Variants in CCDC18 observed in about 807,000 individuals in gnomAD.
CCDC18 encodes the protein coiled-coil domain-containing protein 18.
CCDC18 carries 157 observed loss-of-function variants against 196.0 expected under a neutral mutation model. The observed-to-expected ratio is 0.80, with a 90% CI of 0.70 to 0.91. The LOEUF (loss-of-function observed/expected upper bound fraction) is 0.91. Ranked by LOEUF, CCDC18 falls within the 40% of genes least tolerant of loss-of-function variation. The probability of loss-of-function intolerance (pLI) is 0.00; values close to 1 mark genes in which losing one functional copy is unlikely to be tolerated. For synonymous variants in CCDC18, 482 were observed against 529.2 expected, an observed-to-expected ratio of 0.91 and a Z score of 1.22; for missense variants, 1,465 against 1,611.6, an observed-to-expected ratio of 0.91 and a Z score of 1.56.
At chr1:93,264,439 A>G (rs1664223632) in intron 26 of CCDC18, among the ~76,000 whole-genome samples, 1 of 152,190 alleles carries the variant, frequency 6.6e-6, no homozygotes. Context: ...AAATGTCTTT[A>G]TAGTTTATTT....
At chr1:93,190,703 G>T in intron 4 of CCDC18, 11 of 349,562 alleles carry the variant, frequency 3.1e-5, no homozygotes, top group East Asian at 1.7e-4. Context: ...ATAAACTCAA[G>T]ATTTTATTGT....
At chr1:93,249,974 A>G (rs1245854987) in intron 23 of CCDC18, among the ~76,000 whole-genome samples, 1 of 151,294 alleles carries the variant, frequency 6.6e-6, no homozygotes, top group Non-Finnish European at 1.5e-5. Flanking sequence ...TTCTTCACTC[A>G]CCCTTTGTTC....
chr1:93,253,198 G>A (rs1223947443), intron 23 of CCDC18, among the ~76,000 whole-genome samples: 1 of 152,232 alleles, frequency 6.6e-6, no homozygotes, highest in Non-Finnish European at 1.5e-5. Flanking sequence ...AGTGTGAGGA[G>A]CTAGAGTTGA....
intron 13 of CCDC18, 79 bp downstream of exon 13, chr1:93,216,825 C>A: frequency 1.2e-5 from 8 of 644,094 alleles, no homozygotes; most frequent in East Asian, 3.1e-5. Flanking sequence ...GTTTTAGCAT[C>A]ATTATTATAA....
chr1:93,270,251 C>A (rs760225495), intron 27 of CCDC18, 96 bp from the exon 28 acceptor site: 45 of 715,678 alleles, frequency 6.3e-5, no homozygotes, highest in Non-Finnish European at 9.7e-5. Flanking sequence ...TATAGTGGGA[C>A]AAAGGTTGAC....
At chr1:93,212,527 G>C (rs1246996530) in intron 11 of CCDC18, among the ~76,000 whole-genome samples, 5 of 151,862 alleles carry the variant, frequency 3.3e-5, no homozygotes, top group African/African-American at 1.2e-4. Flanking sequence ...AGTATGTGTT[G>C]TTCCCCTCTA....
Position 93,260,195 on chromosome 1 carries a change from C to T in CCDC18, c.3684+1310C>T, listed in dbSNP as rs1257129516. 3.3e-5 allele frequency among the ~76,000 whole-genome samples: 5 copies of T among 152,244 alleles called. No homozygotes were observed. In the South Asian group the frequency reaches 8.3e-4, roughly 25 times the overall value. On this transcript the variant is annotated intron_variant, in intron 26 of 28. Transcript: ENST00000690025. Reference sequence around the variant, plus strand: ...GGTCAGGAGTTCGAGACCAGCCTGACCAACATGGCAAAACCCCGTCTCTAC... The same window carrying T: ...GGTCAGGAGTTCGAGACCAGCCTGATCAACATGGCAAAACCCCGTCTCTAC...
intron 4 of CCDC18, among the ~76,000 whole-genome samples, chr1:93,188,399 C>T (rs1405063444): frequency 6.6e-6 from 1 of 152,182 alleles, no homozygotes; most frequent in East Asian, 1.9e-4. Flanking sequence ...GTTGGAGCTA[C>T]TGTTTCCTGA....
At chr1:93,216,935 C>CTTTTTTTT (rs397980840) in intron 13 of CCDC18, among the ~76,000 whole-genome samples, 189 bp downstream of exon 13, 2 of 132,770 alleles carry the variant, frequency 1.5e-5, no homozygotes, top group African/African-American at 2.9e-5. Flanking sequence ...CAAGTTTTCT[C>CTTTTTTTT]TTTTTTTTTT....
At chr1:93,246,694 C>A in intron 22 of CCDC18, 144 bp from the exon 23 acceptor site, 1 of 488,510 alleles carries the variant, frequency 2.0e-6, no homozygotes, top group Non-Finnish European at 3.7e-6. Context: ...TGAGTTTATA[C>A]TAAAGCAAAG....
Position 93,214,787 on chromosome 1 carries a change from T to C in CCDC18, c.1540T>C (p.Tyr514His), listed in dbSNP as rs1656219585. ...AAATCAACATACTATGAACAAGCAA[T>C]ATGAAAAAGAGAGGCAAAGACTTGT... The part of the protein sequence containing the change: ...DQNQHTMNKQ[Y>H]EKERQRLVTG... The change falls in exon 12 of 29, where the codon TAT becomes CAT. Residue 514 changes from tyrosine (Y) to histidine (H), a missense_variant. Coordinates refer to ENST00000690025, the MANE Select transcript of CCDC18 (RefSeq NM_001378204.1). The C allele has an allele frequency of 6.2e-7, 1 of 1,612,622 alleles. No homozygotes were observed. Among genetic ancestry groups the C allele is most frequent in the Admixed American group, 1.7e-5 (1 of 59,988 alleles).
rs763996736 is a variant in CCDC18, at chr1:93,216,690, A to G, written c.1774A>G (p.Ile592Val). Residue 592 changes from isoleucine (I) to valine (V), a missense_variant, in exon 13 of 29, where the codon ATA (isoleucine) becomes GTA (valine). Coordinates refer to ENST00000690025, the MANE Select transcript of CCDC18 (RefSeq NM_001378204.1). ...TCTTGAGAAACAGCTGGAAGAAAAGATAGTTGCTTATTCCTCTATTGCTGC... is the reference window on the plus strand; with the variant it reads ...TCTTGAGAAACAGCTGGAAGAAAAGGTAGTTGCTTATTCCTCTATTGCTGC... ...LTLEKQLEEK[I>V]VAYSSIAAKN... 1 of 1,589,494 alleles carries G rather than the reference A, an allele frequency of 6.3e-7. No individual in the cohort carries two copies. Among genetic ancestry groups the G allele is most frequent in the Non-Finnish European group, 8.5e-7 (1 of 1,170,392 alleles).
chr1:93,187,415 T>C (rs1458152011), intron 4 of CCDC18, among the ~76,000 whole-genome samples: 1 of 151,942 alleles, frequency 6.6e-6, no homozygotes, highest in Non-Finnish European at 1.5e-5. Flanking sequence ...AGTTTTCCTC[T>C]TTATAAGAAG....
chr1:93,180,450 T>C, upstream of CCDC18: 1 of 1,376,638 alleles, frequency 7.3e-7, no homozygotes, highest in South Asian at 1.3e-5. Flanking sequence ...AGCAGTCCTA[T>C]TCCGCAACCG....
chr1:93,254,938 C>G (rs1662735063), intron 24 of CCDC18, among the ~76,000 whole-genome samples: 1 of 117,250 alleles, frequency 8.5e-6, no homozygotes, highest in Non-Finnish European at 1.7e-5. Context: ...ATTGAGGAGT[C>G]AGCTTTTTTT....
chr1:93,192,166 C>A, intron 5 of CCDC18, 60 bp downstream of exon 5: 1 of 1,077,012 alleles, frequency 9.3e-7, no homozygotes, highest in Non-Finnish European at 1.4e-6. Context: ...TTTATTATAT[C>A]TTGTTAAATC....
At chr1:93,259,575 G>A (rs1663490912) in intron 26 of CCDC18, among the ~76,000 whole-genome samples, 1 of 152,160 alleles carries the variant, frequency 6.6e-6, no homozygotes, top group Non-Finnish European at 1.5e-5. Context: ...AAGGGAGTTT[G>A]GTGACATTTT....
At chr1:93,184,691 ACT>A (rs1330400572) in intron 3 of CCDC18, among the ~76,000 whole-genome samples, 7 of 151,146 alleles carry the variant, frequency 4.6e-5, no homozygotes, top group Non-Finnish European at 1.5e-5. Context: ...CTCCTTTTAC[ACT>A]CTCTTCCTAT....
At chr1:93,180,620 C>A, upstream of CCDC18, 1 of 1,341,042 alleles carries the variant, frequency 7.5e-7, no homozygotes. Context: ...GCGCGCTCGC[C>A]GACCACGATC....
Sources: gnomAD v4.1 joint callset for allele counts (sites outside exome capture counted in the v4.1 genomes callset) on GRCh38, gnomAD v4.1.1 for gene constraint, MANE v1.5 for transcripts, NCBI Gene and HGNC (gene_info 2026-07-23, HGNC 2026-07-21) for gene names.